The following EXD1 variants were observed in gnomAD, a reference collection of about 807,000 sequenced individuals.
EXD1 encodes the protein piRNA biogenesis protein EXD1.
In EXD1, 63 loss-of-function variants were observed where a neutral mutation model predicts 49.1. The observed-to-expected ratio is 1.28, with a 90% confidence interval of 1.05 to 1.58. EXD1 has a LOEUF of 1.58. Ranked by LOEUF, EXD1 falls within the 40% of genes most tolerant of loss-of-function variation. The probability of loss-of-function intolerance (pLI) is 0.00; values close to 1 mark genes in which losing one functional copy is unlikely to be tolerated. For missense variants in EXD1, 748 were observed against 666.0 expected (o/e 1.12, Z -1.36); for synonymous variants, 234 against 239.2 (o/e 0.98, Z 0.20).
At chr15:41,221,052 T>C (rs1417496419) in intron 2 of EXD1, among the ~76,000 whole-genome samples, 1 of 152,132 alleles carries the variant, frequency 6.6e-6, no homozygotes, top group South Asian at 2.1e-4. Flanking sequence ...GTTTAGTTCT[T>C]TTCCTATTAA....
At chr15:41,189,504 A>G (rs1162112910) in intron 11 of EXD1, among the ~76,000 whole-genome samples, 1 of 150,886 alleles carries the variant, frequency 6.6e-6, no homozygotes, top group Non-Finnish European at 1.5e-5. Flanking sequence ...TCTACTAAAA[A>G]TACAAAAAAT....
chr15:41,212,403 C>T (rs781282440), intron 6 of EXD1, among the ~76,000 whole-genome samples: 10 of 151,968 alleles, frequency 6.6e-5, no homozygotes, highest in African/African-American at 1.7e-4. Flanking sequence ...TGCAGTGAGC[C>T]GAGATGGTGC....
At chr15:41,199,565 T>C (rs1347410717) in intron 7 of EXD1, among the ~76,000 whole-genome samples, 2 of 146,720 alleles carry the variant, frequency 1.4e-5, no homozygotes, top group Non-Finnish European at 3.0e-5. Flanking sequence ...GTATCCTTTG[T>C]TTCATATACA....
At chr15:41,197,228 T>A (rs964590125) in intron 7 of EXD1, among the ~76,000 whole-genome samples, 1 of 150,736 alleles carries the variant, frequency 6.6e-6, no homozygotes, top group Non-Finnish European at 1.5e-5. Flanking sequence ...TTTTCTTTTT[T>A]CTTTTTTTTT....
Position 41,219,824 on chromosome 15 carries a change from T to A in EXD1, c.202+6A>T, listed in dbSNP as rs1285479024. Reference sequence around the variant, plus strand: ...CTAGCATTTTCAAGGAACATGGGGGTCTCACCATTCACAATCTCATGCCCA... The same window carrying A: ...CTAGCATTTTCAAGGAACATGGGGGACTCACCATTCACAATCTCATGCCCA... On this transcript the variant is annotated splice_donor_region_variant and intron_variant, in intron 3 of 11. Coordinates refer to ENST00000458580, the MANE Select transcript of EXD1 (RefSeq NM_001286441.2). 2 of 1,533,058 alleles carry A rather than the reference T, an allele frequency of 1.3e-6. No individual in the cohort carries two copies. The highest frequency in any genetic ancestry group is 2.0e-5 in the Admixed American group (1 of 50,774). The allele number at this position is 1,533,058 out of a possible 1,614,324, so 95.0% of individuals were successfully genotyped here.
intron 1 of EXD1, 54 bp from the exon 2 acceptor site, chr15:41,226,682 G>A: frequency 7.3e-7 from 1 of 1,371,146 alleles, no homozygotes; most frequent in Non-Finnish European, 9.6e-7. Flanking sequence ...TGGGAGTAAA[G>A]TTATTTTCCC....
intron 1 of EXD1, 64 bp from the exon 2 acceptor site, chr15:41,226,692 C>T (rs2047169152): frequency 2.3e-6 from 3 of 1,298,708 alleles, no homozygotes; most frequent in Non-Finnish European, 2.0e-6. Flanking sequence ...GTTATTTTCC[C>T]TTTCCCCATA....
chr15:41,228,887 A>G (rs886446396), intron 1 of EXD1, among the ~76,000 whole-genome samples: 2 of 152,146 alleles, frequency 1.3e-5, no homozygotes, highest in African/African-American at 2.4e-5. Context: ...TTAAAGAAAA[A>G]AAAATTAAAG....
intron 7 of EXD1, among the ~76,000 whole-genome samples, chr15:41,209,210 G>A (rs1245352853): frequency 6.6e-6 from 1 of 152,068 alleles, no homozygotes; most frequent in Non-Finnish European, 1.5e-5. Flanking sequence ...GATTACATGA[G>A]GCCAGGAGTT....
intron 1 of EXD1, among the ~76,000 whole-genome samples, chr15:41,228,450 G>T (rs4258585): frequency 0.29 from 44,268 of 151,996 alleles, 9,040 homozygotes; most frequent in African/African-American, 0.58. Flanking sequence ...AGTTTAGAAG[G>T]TTAAGACACC....
At chr15:41,226,686 T>C (rs2047169025) in intron 1 of EXD1, 58 bp from the exon 2 acceptor site, 1 of 1,351,646 alleles carries the variant, frequency 7.4e-7, no homozygotes, top group Middle Eastern at 2.0e-4. Flanking sequence ...AGTAAAGTTA[T>C]TTTCCCTTTC....
rs2046686469 is a variant in EXD1 at position 41,199,741 on chromosome 15, CATATATTATATATGAT to C, written c.535-3720_535-3705del. 1.5e-4 allele frequency among the ~76,000 whole-genome samples: 5 copies of C among 32,860 alleles called. 1 individual carries two copies. The highest frequency in any genetic ancestry group is 2.8e-4 in the African/African-American group (3 of 10,616). 21.6% of individuals were successfully genotyped at this position (32,860 alleles called of 152,430 possible). A position where few individuals can be genotyped will look rare whatever the true frequency, so the allele number is the denominator to read the frequency against. ...GATATATTATATATGATATATATGT[CATATATTATATATGAT>C]ACATATATGATATATATGTCATATA... On this transcript the variant is annotated intron_variant, in intron 7 of 11. Transcript: ENST00000458580.
intron 11 of EXD1, among the ~76,000 whole-genome samples, chr15:41,184,846 C>T (rs535972758): frequency 3.5e-4 from 53 of 152,010 alleles, no homozygotes; most frequent in Admixed American, 9.2e-4. Context: ...TTAGTAGAGA[C>T]AGAGTTTCAC....
chr15:41,202,856 T>G (rs992259702), intron 7 of EXD1, among the ~76,000 whole-genome samples: 6 of 149,944 alleles, frequency 4.0e-5, no homozygotes, highest in African/African-American at 1.2e-4. Flanking sequence ...AGGCAGAGTT[T>G]GCAGTTAGCT....
rs1195425606 is a variant in EXD1 at position 41,184,203 on chromosome 15, T to C, written c.1447A>G (p.Thr483Ala). Residue 483 changes from threonine (T) to alanine (A), a missense_variant, in exon 12 of 12, where the codon ACT becomes GCT. Transcript: ENST00000458580. ...GGTGTCATAAAGTGTTCTTTCTGAGTTATTCTCTGGTCCTCTGACCCCTTT... is the reference window on the plus strand; with the variant it reads ...GGTGTCATAAAGTGTTCTTTCTGAGCTATTCTCTGGTCCTCTGACCCCTTT... ...KSKGSEDQRI[T>A]QKEHFMTPKH... 2 of 1,614,204 alleles carry C rather than the reference T, an allele frequency of 1.2e-6. No homozygotes were observed. Among genetic ancestry groups the C allele is most frequent in the Admixed American group, 1.7e-5 (1 of 60,014 alleles).
At chr15:41,190,234 G>T in intron 10 of EXD1, 106 bp from the exon 11 acceptor site, 2 of 1,198,646 alleles carry the variant, frequency 1.7e-6, no homozygotes, top group Non-Finnish European at 2.4e-6. Flanking sequence ...CAGCACTCTG[G>T]GAGGCTGAGG....
chr15:41,208,002 C>G lies in EXD1; in HGVS notation c.534+1499G>C, dbSNP rs140414346. Reference sequence around the variant, plus strand: ...CTCCAGCCCATGCAACAGAGCGAGACCCTGCCTCAAAAAAAAAAAAAAAGA... The same window carrying G: ...CTCCAGCCCATGCAACAGAGCGAGAGCCTGCCTCAAAAAAAAAAAAAAAGA... On this transcript the variant is annotated intron_variant, in intron 7 of 11. Coordinates refer to ENST00000458580, the MANE Select transcript of EXD1 (RefSeq NM_001286441.2). Among the ~76,000 whole-genome samples, 962 of 145,974 alleles carry G rather than the reference C, an allele frequency of 6.6e-3. 11 individuals are homozygous for G. The highest frequency in any genetic ancestry group is 0.024 in the African/African-American group (932 of 39,042).
Position 41,217,253 on chromosome 15 carries a change from C to T in EXD1, c.203-99G>A, listed in dbSNP as rs905385944. ...CCCTAGTTTAACCATGTACTGCAAA[C>T]AATAATTGGAAATGACATGTTAGTC... On this transcript the variant is annotated intron_variant, in intron 3 of 11. Transcript: ENST00000458580. The T allele has an allele frequency of 8.4e-6, 8 of 954,766 alleles. No individual in the cohort carries two copies. In the African/African-American group the frequency reaches 1.3e-4, roughly 16 times the overall value. 59.1% of individuals were successfully genotyped at this position (954,766 alleles called of 1,614,324 possible).
intron 3 of EXD1, 47 bp from the exon 4 acceptor site, chr15:41,217,201 CAATT>C (rs2047013486): frequency 6.8e-7 from 1 of 1,481,224 alleles, no homozygotes; most frequent in African/African-American, 1.4e-5. Flanking sequence ...AATCAGAAAT[CAATT>C]AACTACTCCA....
Sources: allele counts gnomAD v4.1 joint callset (sites outside exome capture counted in the v4.1 genomes callset), GRCh38; gene constraint gnomAD v4.1.1; transcripts MANE v1.5; gene names NCBI Gene and HGNC (gene_info 2026-07-23, HGNC 2026-07-21).